Variants in FIG4 observed in about 807,000 individuals in gnomAD.
FIG4 encodes FIG4 phosphoinositide 5-phosphatase.
FIG4 carries 112 observed loss-of-function variants against 118.6 expected under a neutral mutation model. The ratio of observed to expected loss-of-function variants is 0.94; its 90% CI spans 0.81 to 1.11. The LOEUF is 1.11. Ranked by LOEUF, FIG4 falls within the 50% of genes least tolerant of loss-of-function variation. The pLI is 0.00. For synonymous variants in FIG4, 369 were observed against 381.2 expected, an observed-to-expected ratio of 0.97 and a Z score of 0.37; for missense variants, 969 against 1,111.7, an observed-to-expected ratio of 0.87 and a Z score of 1.83.
At chr6:109,711,926 T>C (rs1312535662) in intron 1 of FIG4, among the ~76,000 whole-genome samples, 1 of 152,222 alleles carries the variant, frequency 6.6e-6, no homozygotes, top group Admixed American at 6.5e-5. Flanking sequence ...TTAGTGCTTC[T>C]TTCAGGAGCT....
chr6:109,743,922 C>T, intron 10 of FIG4, 150 bp downstream of exon 10: 1 of 723,832 alleles, frequency 1.4e-6, no homozygotes, highest in Non-Finnish European at 2.5e-6. Flanking sequence ...TGTGTCTGAG[C>T]TGAGTCACTT....
intron 10 of FIG4, among the ~76,000 whole-genome samples, chr6:109,755,536 G>A (rs1018647246): frequency 6.6e-6 from 1 of 152,148 alleles, no homozygotes; most frequent in Non-Finnish European, 1.5e-5. Flanking sequence ...TGACAGTGGG[G>A]TGTTGAAGTT....
intron 1 of FIG4, chr6:109,701,686 C>T: frequency 2.1e-6 from 1 of 471,400 alleles, no homozygotes; most frequent in Non-Finnish European, 4.4e-6. Flanking sequence ...CCCTCCCACC[C>T]CCATCACAGA....
At chr6:109,757,396 G>A (rs980484922) in intron 10 of FIG4, among the ~76,000 whole-genome samples, 7 of 152,134 alleles carry the variant, frequency 4.6e-5, no homozygotes, top group Non-Finnish European at 8.8e-5. Context: ...TGCAGAAAAG[G>A]CCTGCAATAA....
At chr6:109,817,632 G>A (rs1208179308) in intron 22 of FIG4, among the ~76,000 whole-genome samples, 1 of 151,470 alleles carries the variant, frequency 6.6e-6, no homozygotes, top group Non-Finnish European at 1.5e-5. Flanking sequence ...CAATGGCAAA[G>A]GCTAAAACAT....
intron 22 of FIG4, among the ~76,000 whole-genome samples, chr6:109,821,474 A>G (rs1262482536): frequency 1.3e-5 from 2 of 152,236 alleles, no homozygotes; most frequent in African/African-American, 4.8e-5. Context: ...CAAGTTAATA[A>G]AAGAGGTTAA....
chr6:109,761,284 G>A (rs1027450930), intron 11 of FIG4, among the ~76,000 whole-genome samples: 8 of 152,090 alleles, frequency 5.3e-5, no homozygotes, highest in African/African-American at 1.2e-4. Context: ...TCTGCCGCCC[G>A]GGTTCAAGCG....
intron 15 of FIG4, among the ~76,000 whole-genome samples, chr6:109,772,999 C>T (rs888050439): frequency 1.3e-5 from 2 of 152,166 alleles, no homozygotes; most frequent in Non-Finnish European, 2.9e-5. Flanking sequence ...TCATTGTTGG[C>T]AGAATTCCAT....
chr6:109,738,302 T>C (rs768563052), intron 6 of FIG4, 23 bp from the exon 7 acceptor site: 6 of 1,580,798 alleles, frequency 3.8e-6, no homozygotes, highest in Non-Finnish European at 8.7e-7. Context: ...ATTTATGGAC[T>C]GATACAGACT....
chr6:109,822,544 T>C (rs993189196), intron 22 of FIG4, among the ~76,000 whole-genome samples: 2 of 152,030 alleles, frequency 1.3e-5, no homozygotes, highest in African/African-American at 4.8e-5. Context: ...ATCTTTGCTA[T>C]ATAACAGTGT....
intron 1 of FIG4, among the ~76,000 whole-genome samples, chr6:109,694,012 C>A (rs763370875): frequency 6.6e-6 from 1 of 151,124 alleles, no homozygotes; most frequent in Non-Finnish European, 1.5e-5. Context: ...AAAACAAAAA[C>A]TGTAGTAGGT....
At chr6:109,742,973 A>G (rs111304781) in intron 8 of FIG4, 137 bp from the exon 9 acceptor site, 1 of 771,102 alleles carries the variant, frequency 1.3e-6, no homozygotes. Flanking sequence ...ATATTGATCA[A>G]TATTTACCTC....
intron 8 of FIG4, 112 bp downstream of exon 8, chr6:109,741,656 T>C (rs1430087086): frequency 5.1e-6 from 4 of 788,530 alleles, no homozygotes; most frequent in Admixed American, 1.9e-5. Flanking sequence ...TGGGATATTA[T>C]CAAGAGAATA....
chr6:109,768,560 C>T (rs1164817221), intron 15 of FIG4, among the ~76,000 whole-genome samples: 1 of 152,132 alleles, frequency 6.6e-6, no homozygotes, highest in Non-Finnish European at 1.5e-5. Context: ...TGCTTAGGGT[C>T]TCTCAAGGCT....
rs1223195607 is a variant in FIG4 at position 109,707,350 on chromosome 6, CATACATATATACGTGTATATATAT to C, written c.67-7715_67-7692del. ...GTATAGGTATATATATACATATATA[CATACATATATACGTGTATATATAT>C]ATACATATATACACATATGTATACA... On this transcript the variant is annotated intron_variant, in intron 1 of 22. Coordinates refer to ENST00000230124, the MANE Select transcript of FIG4 (RefSeq NM_014845.6). Among the ~76,000 whole-genome samples, 13 of 100,636 alleles carry C rather than the reference CATACATATATACGTGTATATATAT, an allele frequency of 1.3e-4. No homozygotes were observed. In the East Asian group the frequency reaches 3.1e-3, roughly 24 times the overall value. 66.0% of individuals were successfully genotyped at this position (100,636 alleles called of 152,430 possible).
chr6:109,803,606 T>C (rs1164600126), intron 22 of FIG4, among the ~76,000 whole-genome samples: 6 of 149,808 alleles, frequency 4.0e-5, no homozygotes, highest in African/African-American at 1.5e-4. Flanking sequence ...AGCAAGTAAG[T>C]TAAATTTCTT....
intron 16 of FIG4, among the ~76,000 whole-genome samples, chr6:109,781,378 A>G (rs1397129531): frequency 6.6e-6 from 1 of 152,180 alleles, no homozygotes; most frequent in African/African-American, 2.4e-5. Context: ...AAGGCCCTCC[A>G]GCATTCGGAA....
At chr6:109,815,500 C>T (rs1004228329) in intron 22 of FIG4, among the ~76,000 whole-genome samples, 1 of 125,070 alleles carries the variant, frequency 8.0e-6, no homozygotes. Flanking sequence ...AGGCTGCCCC[C>T]CCCACCCCCC....
chr6:109,807,281 GA>G (rs1208121319), intron 22 of FIG4, among the ~76,000 whole-genome samples: 1 of 152,144 alleles, frequency 6.6e-6, no homozygotes, highest in Admixed American at 6.5e-5. Flanking sequence ...GTTGTTTCCT[GA>G]CTTTTAAATG....
Sources: gnomAD v4.1 joint callset for allele counts (sites outside exome capture counted in the v4.1 genomes callset) on GRCh38, gnomAD v4.1.1 for gene constraint, MANE v1.5 for transcripts, NCBI Gene and HGNC (gene_info 2026-07-23, HGNC 2026-07-21) for gene names.